IFT43: variants seen among roughly 807,000 people sequenced by gnomAD.
The protein encoded by IFT43 is intraflagellar transport protein 43 homolog.
In IFT43, 33 loss-of-function variants were observed where a neutral mutation model predicts 32.3. That is an observed-to-expected ratio of 1.02 (90% CI 0.77 to 1.37). The LOEUF (loss-of-function observed/expected upper bound fraction) is 1.37. IFT43 is among the 40% of genes most tolerant of loss of function. The probability of loss-of-function intolerance (pLI) is 0.00; values close to 1 mark genes in which losing one functional copy is unlikely to be tolerated. For missense variants in IFT43, 274 were observed against 265.9 expected (o/e 1.03, Z -0.21); for synonymous variants, 93 against 98.2 (o/e 0.95, Z 0.31).
chr14:75,985,941 C>G (rs548331347), intron 1 of IFT43, 101 bp downstream of exon 1: 29 of 1,549,418 alleles, frequency 1.9e-5, no homozygotes, highest in Admixed American at 1.4e-4. Flanking sequence ...GGCGGCAGGC[C>G]TCGCGCCGCG....
chr14:76,027,333 A>C (rs1471341947), intron 3 of IFT43, among the ~76,000 whole-genome samples: 134 of 124,520 alleles, frequency 1.1e-3, no homozygotes, highest in Middle Eastern at 4.0e-3. Flanking sequence ...CTTCCCCAAC[A>C]CCCCCCACAC....
At chr14:76,003,265 T>G (rs916145722) in intron 2 of IFT43, among the ~76,000 whole-genome samples, 3 of 150,318 alleles carry the variant, frequency 2.0e-5, no homozygotes, top group Non-Finnish European at 4.4e-5. Flanking sequence ...TTTTTATACT[T>G]TTTTTTTTAG....
At chr14:76,055,716 A>G (rs912239959) in intron 3 of IFT43, among the ~76,000 whole-genome samples, 3 of 152,206 alleles carry the variant, frequency 2.0e-5, no homozygotes, top group African/African-American at 2.4e-5. Flanking sequence ...GGTACCTTCA[A>G]TCATATTCTT....
intron 3 of IFT43, among the ~76,000 whole-genome samples, chr14:76,036,939 T>C (rs373869116): frequency 4.5e-4 from 69 of 151,856 alleles, no homozygotes; most frequent in African/African-American, 1.6e-3. Context: ...GTGATACTCC[T>C]GCCCCAGCCT....
At chr14:76,082,787 T>G in intron 7 of IFT43, 95 bp downstream of exon 7, 1 of 933,666 alleles carries the variant, frequency 1.1e-6, no homozygotes, top group East Asian at 2.4e-5. Flanking sequence ...ATACAGCGCC[T>G]CCACCAGTCC....
At chr14:76,015,950 T>C (rs970258931) in intron 2 of IFT43, among the ~76,000 whole-genome samples, 1 of 152,234 alleles carries the variant, frequency 6.6e-6, no homozygotes, top group East Asian at 1.9e-4. Context: ...TTTTTTCATA[T>C]AGTTGGCCAT....
chr14:76,056,468 C>T (rs2037017820), intron 3 of IFT43, among the ~76,000 whole-genome samples: 1 of 152,212 alleles, frequency 6.6e-6, no homozygotes, highest in Non-Finnish European at 1.5e-5. Context: ...ATTAATCAGC[C>T]TCCCCCGAAA....
Position 76,058,637 on chromosome 14 carries a change from T to G in IFT43, c.216-5T>G. The G allele has an allele frequency of 6.2e-7, 1 of 1,612,894 alleles. No individual in the cohort carries two copies. On this transcript the variant is annotated splice_region_variant and splice_polypyrimidine_tract_variant and intron_variant, in intron 3 of 8. Coordinates refer to ENST00000314067, the MANE Select transcript of IFT43 (RefSeq NM_001102564.3). ...AAAACCTTGTCTTTTCTTTTTTTTTTTCAGGTTTAGGAGGAAGGCTTCTGA... is the reference window on the plus strand; with the variant it reads ...AAAACCTTGTCTTTTCTTTTTTTTTGTCAGGTTTAGGAGGAAGGCTTCTGA...
chr14:76,013,890 C>G (rs1345694119), intron 2 of IFT43: 2 of 231,760 alleles, frequency 8.6e-6, no homozygotes, highest in East Asian at 2.1e-4. Context: ...ACAGTTAAAA[C>G]AAAACAAAGA....
At position 76,058,834 on chromosome 14, in the gene IFT43, C is replaced by T. The variant is rs956401920; in HGVS notation, c.248+160C>T. 49 of 1,544,048 alleles carry T rather than the reference C, an allele frequency of 3.2e-5. 1 individual carries two copies. The South Asian group carries it at 3.5e-4, about 11-fold the overall frequency. On this transcript the variant is annotated intron_variant, in intron 4 of 8. Transcript: ENST00000314067. ...GCTGAATCCAAGGTTTGGTTAATCC[C>T]GCTTCCTCAACTGAAGGTCTGGACC...
At chr14:76,063,393 A>C (rs1160538920) in intron 5 of IFT43, among the ~76,000 whole-genome samples, 2 of 152,162 alleles carry the variant, frequency 1.3e-5, no homozygotes, top group Non-Finnish European at 2.9e-5. Flanking sequence ...CCTCTCCATT[A>C]GCTCCCCAGT....
intron 3 of IFT43, among the ~76,000 whole-genome samples, chr14:76,053,733 A>C (rs989713359): frequency 2.6e-5 from 4 of 152,332 alleles, no homozygotes; most frequent in African/African-American, 9.6e-5. Context: ...AGTAGCTCTT[A>C]AAAAGAAACC....
intron 2 of IFT43, chr14:76,013,807 TCCATATG>T (rs1223348644): frequency 1.1e-5 from 3 of 281,352 alleles, no homozygotes; most frequent in African/African-American, 6.8e-5. Flanking sequence ...CTGACAACCC[TCCATATG>T]ATAAGGGGGC....
At chr14:75,995,003 G>C (rs1401015950) in intron 2 of IFT43, among the ~76,000 whole-genome samples, 2 of 152,186 alleles carry the variant, frequency 1.3e-5, no homozygotes, top group African/African-American at 4.8e-5. Flanking sequence ...TTTTGGCTTA[G>C]CTTTTATTTT....
chr14:76,016,979 A>G (rs761880423), intron 2 of IFT43, among the ~76,000 whole-genome samples: 19 of 152,122 alleles, frequency 1.2e-4, no homozygotes, highest in Non-Finnish European at 2.4e-4. Flanking sequence ...TTATAAGATC[A>G]TATCATCTGC....
intron 3 of IFT43, among the ~76,000 whole-genome samples, chr14:76,027,577 C>T (rs755295814): frequency 1.3e-5 from 2 of 151,846 alleles, no homozygotes; most frequent in Admixed American, 6.6e-5. Context: ...GGTGTGGTGG[C>T]GGGTGCCTGT....
At chr14:76,069,228 C>T (rs1281870448) in intron 5 of IFT43, among the ~76,000 whole-genome samples, 1 of 152,178 alleles carries the variant, frequency 6.6e-6, no homozygotes, top group Admixed American at 6.5e-5. Flanking sequence ...AGACGCCACA[C>T]ACTTTTAAAA....
At chr14:76,066,457 C>T (rs1199162289) in intron 5 of IFT43, among the ~76,000 whole-genome samples, 1 of 152,208 alleles carries the variant, frequency 6.6e-6, no homozygotes, top group Non-Finnish European at 1.5e-5. Flanking sequence ...TAGTCCATTT[C>T]ACTGTATATG....
rs139295873 is a variant in IFT43, at chr14:76,080,680, A to G, written c.296-1615A>G. On this transcript the variant is annotated intron_variant, in intron 5 of 8. Transcript: ENST00000314067. ...GCCAGCTTCCTCTCTGTCCCTCCAT[A>G]GGGCCTGTGCAGTCTTACCAGCCTG... Among the ~76,000 whole-genome samples the G allele has an allele frequency of 2.8e-3, 429 of 152,286 alleles. 4 individuals are homozygous for G. Among genetic ancestry groups the G allele is most frequent in the African/African-American group, 9.7e-3 (405 of 41,544 alleles).
Sources: gnomAD v4.1 joint callset for allele counts (sites outside exome capture counted in the v4.1 genomes callset) on GRCh38, gnomAD v4.1.1 for gene constraint, MANE v1.5 for transcripts, NCBI Gene and HGNC (gene_info 2026-07-23, HGNC 2026-07-21) for gene names.